The following GATA4 variants were observed in gnomAD, a reference collection of about 807,000 sequenced individuals.
GATA4 encodes the protein GATA binding protein 4.
GATA4 carries 7 observed loss-of-function variants against 37.9 expected under a neutral mutation model. The ratio of observed to expected loss-of-function variants is 0.18; its 90% CI spans 0.11 to 0.35. The LOEUF (loss-of-function observed/expected upper bound fraction) is 0.35. GATA4 is among the 10% of genes least tolerant of loss of function. The pLI is 1.00. For missense variants in GATA4, 647 were observed against 653.0 expected (o/e 0.99, Z 0.10); for synonymous variants, 372 against 292.6 (o/e 1.27, Z -2.77).
intron 5 of GATA4, among the ~76,000 whole-genome samples, chr8:11,756,066 G>A (rs912280349): frequency 1.3e-5 from 2 of 151,464 alleles, no homozygotes; most frequent in African/African-American, 2.4e-5. Flanking sequence ...TCTTTAATAC[G>A]TTTATGTTCC....
At chr8:11,755,230 C>T (rs988133046) in intron 5 of GATA4, 97 bp downstream of exon 5, 17 of 970,140 alleles carry the variant, frequency 1.8e-5, no homozygotes, top group African/African-American at 8.0e-5. Context: ...CAGCCCGGGC[C>T]GCCAGGGGGT....
intron 2 of GATA4, among the ~76,000 whole-genome samples, chr8:11,710,804 C>T (rs946568476): frequency 7.9e-5 from 12 of 151,104 alleles, no homozygotes; most frequent in Admixed American, 4.6e-4. Flanking sequence ...AGTTAAAAGT[C>T]ATGAGTTACA....
intron 2 of GATA4, among the ~76,000 whole-genome samples, chr8:11,713,316 T>C (rs1406241803): frequency 1.3e-5 from 2 of 152,228 alleles, no homozygotes; most frequent in South Asian, 4.1e-4. Context: ...AATGGAATTA[T>C]GTGACCTTAC....
chr8:11,710,466 G>C (rs1457408325), intron 2 of GATA4, among the ~76,000 whole-genome samples: 3 of 151,630 alleles, frequency 2.0e-5, no homozygotes, highest in Admixed American at 1.3e-4. Flanking sequence ...GGGAGGACTG[G>C]GCCAGGAGAT....
chr8:11,677,743 G>C (rs1200960457), intron 1 of GATA4, among the ~76,000 whole-genome samples: 1 of 152,132 alleles, frequency 6.6e-6, no homozygotes, highest in African/African-American at 2.4e-5. Flanking sequence ...TCAAGGGTCA[G>C]CCAGGCTTGG....
rs759357740 is a variant in GATA4 at position 11,709,527 on chromosome 8, C to T, written c.616+599C>T. 6.5e-5 allele frequency among the ~76,000 whole-genome samples: 9 copies of T among 137,484 alleles called. No homozygotes were observed. Among genetic ancestry groups the T allele is most frequent in the Middle Eastern group, 4.2e-3 (1 of 240 alleles). The allele number at this position is 137,484 out of a possible 152,430, so 90.2% of individuals were successfully genotyped here. ...GAGATGCGCGGAACAGGAGCCGGCA[C>T]TGTGCGGGTGCCACCCGGCCGAGCG... On this transcript the variant is annotated intron_variant, in intron 2 of 6. Coordinates refer to ENST00000532059, the MANE Select transcript of GATA4 (RefSeq NM_001308093.3). The surrounding 1 kb of genome is among the most constrained non-coding windows in gnomAD (Gnocchi z 4.3).
chr8:11,715,630 A>G (rs750059932), intron 2 of GATA4, among the ~76,000 whole-genome samples: 27 of 152,010 alleles, frequency 1.8e-4, no homozygotes, highest in Non-Finnish European at 3.4e-4. Flanking sequence ...AATCCCAGCT[A>G]TTCAGGAGGC....
chr8:11,750,901 T>C (rs947998427), intron 4 of GATA4, among the ~76,000 whole-genome samples: 1 of 152,032 alleles, frequency 6.6e-6, no homozygotes, highest in African/African-American at 2.4e-5. Flanking sequence ...GAGCTCTGAT[T>C]GTCCCACTGC....
At chr8:11,712,747 G>C (rs1435177840) in intron 2 of GATA4, among the ~76,000 whole-genome samples, 1 of 150,330 alleles carries the variant, frequency 6.7e-6, no homozygotes, top group Admixed American at 6.6e-5. Flanking sequence ...TATAACTCCA[G>C]CAACTCAGGA....
chr8:11,687,763 G>T (rs144397946), upstream of GATA4, among the ~76,000 whole-genome samples: 26 of 152,284 alleles, frequency 1.7e-4, no homozygotes, highest in East Asian at 3.1e-3. Context: ...TACATGAGCT[G>T]ATATGTAATG....
chr8:11,727,145 G>A (rs547858461), intron 2 of GATA4, among the ~76,000 whole-genome samples: 2 of 152,328 alleles, frequency 1.3e-5, no homozygotes, highest in Admixed American at 1.3e-4. Flanking sequence ...GGCGGTAAGT[G>A]CCTGTCAGTC....
In GATA4 at chr8:11,708,351, G is replaced by A. The variant is rs1563199601; in HGVS notation, c.39G>A (p.Pro13=). Residue 13 remains proline, a synonymous_variant, in exon 2 of 7, where the codon CCG becomes CCA. Transcript: ENST00000532059. The surrounding 1 kb of genome is among the most constrained non-coding windows in gnomAD (Gnocchi z 6.7). ...QSLAMAANHG[P]PPGAYEAGGP... ...TGGCCATGGCCGCCAACCACGGGCC[G>A]CCCCCCGGTGCCTACGAGGCGGGCG... The A allele has an allele frequency of 6.3e-7, 1 of 1,582,082 alleles. No homozygotes were observed.
At chr8:11,731,530 T>C (rs1304791818) in intron 2 of GATA4, among the ~76,000 whole-genome samples, 1 of 152,142 alleles carries the variant, frequency 6.6e-6, no homozygotes, top group Non-Finnish European at 1.5e-5. Flanking sequence ...AGCCGTCAAA[T>C]TCATGACGAC....
chr8:11,730,582 C>G (rs187638499), intron 2 of GATA4, among the ~76,000 whole-genome samples: 12 of 152,208 alleles, frequency 7.9e-5, no homozygotes, highest in African/African-American at 2.9e-4. Flanking sequence ...GAGGTGCAGA[C>G]AGCGAAGAGG....
chr8:11,739,016 A>T (rs2059332264), intron 2 of GATA4, among the ~76,000 whole-genome samples: 1 of 152,234 alleles, frequency 6.6e-6, no homozygotes, highest in Non-Finnish European at 1.5e-5. Context: ...TTGGTGCCAC[A>T]GCGATGCCTG....
upstream of GATA4, among the ~76,000 whole-genome samples, chr8:11,703,751 C>A (rs187578451): frequency 4.6e-5 from 7 of 152,328 alleles, no homozygotes; most frequent in East Asian, 1.2e-3. Flanking sequence ...CCCACTACCC[C>A]TGCCCAGGAA....
At chr8:11,735,793 T>C (rs1396186070) in intron 2 of GATA4, among the ~76,000 whole-genome samples, 2 of 152,216 alleles carry the variant, frequency 1.3e-5, no homozygotes, top group Admixed American at 6.5e-5. Context: ...ACTCCCGACC[T>C]AAGGTCATCC....
At chr8:11,741,701 T>A (rs1232317153) in intron 2 of GATA4, among the ~76,000 whole-genome samples, 2 of 152,204 alleles carry the variant, frequency 1.3e-5, no homozygotes, top group Non-Finnish European at 2.9e-5. Context: ...CAAAATCTAA[T>A]CTTGACAATG....
chr8:11,709,057 T>A lies in GATA4; in HGVS notation c.616+129T>A. The A allele has an allele frequency of 2.1e-6, 2 of 974,056 alleles. No individual in the cohort carries two copies. Among genetic ancestry groups the A allele is most frequent in the Non-Finnish European group, 2.8e-6 (2 of 711,312 alleles). 60.3% of individuals were successfully genotyped at this position (974,056 alleles called of 1,614,324 possible). A position where few individuals can be genotyped will look rare whatever the true frequency, so the allele number is the denominator to read the frequency against. ...GGGGATGGTGCTTCACTACCTCGAG[T>A]TTCTAGGGAAGGCAGAAGCCAGTGC... On this transcript the variant is annotated intron_variant, in intron 2 of 6. Coordinates refer to ENST00000532059, the MANE Select transcript of GATA4 (RefSeq NM_001308093.3). The surrounding 1 kb of genome is among the most constrained non-coding windows in gnomAD (Gnocchi z 4.3).
Sources: allele counts gnomAD v4.1 joint callset (sites outside exome capture counted in the v4.1 genomes callset), GRCh38; gene constraint gnomAD v4.1.1; non-coding constraint Gnocchi (gnomAD v3.1); transcripts MANE v1.5; gene names NCBI Gene and HGNC (gene_info 2026-07-23, HGNC 2026-07-21).